Variants in BTD observed in about 807,000 individuals in gnomAD.
BTD encodes biocytinase.
BTD carries 13 observed loss-of-function variants against 17.7 expected under a neutral mutation model. The observed-to-expected ratio is 0.74, with a 90% confidence interval of 0.48 to 1.17. The LOEUF is 1.17. Ranked by LOEUF, BTD falls within the 50% of genes most tolerant of loss-of-function variation. The pLI, the probability that BTD is intolerant of heterozygous loss-of-function variation, is 0.00. For missense variants in BTD, 674 were observed against 650.4 expected, an observed-to-expected ratio of 1.04 and a Z score of -0.39; for synonymous variants, 240 against 245.2, an observed-to-expected ratio of 0.98 and a Z score of 0.20.
At chr3:15,611,834 A>C (rs2075312958) in intron 1 of BTD, among the ~76,000 whole-genome samples, 1 of 151,626 alleles carries the variant, frequency 6.6e-6, no homozygotes, top group African/African-American at 2.4e-5. Flanking sequence ...ACTCGTCTAA[A>C]TTTTCTAGCT....
chr3:15,632,913 T>G (rs1042848232), intron 1 of BTD: 2 of 152,234 alleles, frequency 1.3e-5, no homozygotes, highest in African/African-American at 4.8e-5. Flanking sequence ...CTAATTTGGG[T>G]AAAATGTTTC....
intron 3 of BTD, chr3:15,690,167 A>C (rs369849931): frequency 6.2e-7 from 1 of 1,608,998 alleles, no homozygotes; most frequent in Non-Finnish European, 8.5e-7. Context: ...TGACATCAAG[A>C]TCTAACAAAG....
chr3:15,627,669 C>A (rs2065098872), intron 1 of BTD, among the ~76,000 whole-genome samples: 1 of 152,206 alleles, frequency 6.6e-6, no homozygotes, highest in South Asian at 2.1e-4. Flanking sequence ...TTTCTACTAT[C>A]ATCCAGCGTC....
rs397514348 is a variant in BTD, at chr3:15,635,657, A to T, written c.218A>T (p.Tyr73Phe). ...CTCATGAACCAGAACCTTGACATCT[A>T]TGAACAGCAAGTGATGACTGCAGCC... ...LELMNQNLDIYEQQVMTAAQK... is the reference protein window; with the variant it reads ...LELMNQNLDIFEQQVMTAAQK... Residue 73 changes from tyrosine to phenylalanine, a missense_variant, in exon 2 of 4, where the codon TAT becomes TTT. Tyr to Phe is a conservative substitution (Grantham distance 22). Coordinates refer to ENST00000643237, the MANE Select transcript of BTD (RefSeq NM_001370658.1). The surrounding 1 kb of genome is among the most constrained non-coding windows in gnomAD (Gnocchi z 4.1). 1.9e-6 allele frequency: 3 copies of T among 1,614,084 alleles called. No individual in the cohort carries two copies. The highest frequency in any genetic ancestry group is 2.5e-6 in the Non-Finnish European group (3 of 1,180,052).
chr3:15,607,165 AG>A (rs1455983193), intron 1 of BTD, among the ~76,000 whole-genome samples: 1 of 152,138 alleles, frequency 6.6e-6, no homozygotes, highest in Non-Finnish European at 1.5e-5. Context: ...CATTGGCAAT[AG>A]GTATAAAATT....
intron 1 of BTD, among the ~76,000 whole-genome samples, chr3:15,621,860 A>G (rs1397254712): frequency 2.0e-5 from 3 of 152,200 alleles, no homozygotes; most frequent in Non-Finnish European, 4.4e-5. Context: ...TCAGCCTCCC[A>G]AAGTGCTGGG....
intron 3 of BTD, among the ~76,000 whole-genome samples, chr3:15,701,839 C>T (rs2070677827): frequency 6.6e-6 from 1 of 152,030 alleles, no homozygotes; most frequent in Non-Finnish European, 1.5e-5. Context: ...CACAGCCTTC[C>T]TTGGTGCCGA....
At chr3:15,638,409 A>G (rs375207325) in intron 2 of BTD, among the ~76,000 whole-genome samples, 36 of 152,290 alleles carry the variant, frequency 2.4e-4, no homozygotes, top group African/African-American at 7.9e-4. Context: ...CAGATCAGAG[A>G]CTGCTGGCCA....
chr3:15,631,545 C>T, intron 1 of BTD: 1 of 1,405,224 alleles, frequency 7.1e-7, no homozygotes, highest in Non-Finnish European at 9.7e-7. Flanking sequence ...TGACATATTA[C>T]CAAATTTACA....
At chr3:15,618,647 T>C (rs1214698753) in intron 1 of BTD, among the ~76,000 whole-genome samples, 2 of 152,286 alleles carry the variant, frequency 1.3e-5, no homozygotes, top group East Asian at 3.9e-4. Flanking sequence ...TGCCTCAGCC[T>C]CCCGAGTAGC....
Position 15,652,962 on chromosome 3 carries a change from A to AG in BTD, c.*7474_*7475insG, listed in dbSNP as rs60106076. Among the ~76,000 whole-genome samples, 6,040 of 152,308 alleles carry AG rather than the reference A, an allele frequency of 0.04. 317 individuals carry two copies. Among genetic ancestry groups the AG allele is most frequent in the African/African-American group, 0.12 (5,102 of 41,550 alleles). ...ACAAAAAGAAGGGTCCATGCTGAAC[A>AG]AACTTGTTTGCTTTGAAATCGGAAG... On this transcript the variant is annotated 3_prime_UTR_variant, in exon 4 of 4. Coordinates refer to ENST00000643237, the MANE Select transcript of BTD (RefSeq NM_001370658.1).
chr3:15,603,062 C>G (rs756497142), intron 1 of BTD, among the ~76,000 whole-genome samples: 4 of 152,126 alleles, frequency 2.6e-5, no homozygotes, highest in African/African-American at 4.8e-5. Context: ...GACTTACTAT[C>G]ATTAGAACAG....
At chr3:15,642,958 G>A (rs1272296922) in intron 3 of BTD, among the ~76,000 whole-genome samples, 2 of 150,252 alleles carry the variant, frequency 1.3e-5, no homozygotes, top group African/African-American at 4.9e-5. Context: ...AACCTGGGAG[G>A]CAGGAGTTGC....
intron 1 of BTD, among the ~76,000 whole-genome samples, chr3:15,614,349 C>T (rs919437235): frequency 2.2e-4 from 34 of 152,040 alleles, no homozygotes; most frequent in African/African-American, 8.2e-4. Flanking sequence ...TTCCTGGCCT[C>T]AAGTGATCCT....
intron 3 of BTD, chr3:15,667,520 A>C (rs755437483): frequency 2.6e-5 from 4 of 152,256 alleles, no homozygotes; most frequent in Non-Finnish European, 5.9e-5. Context: ...AAGAAACACT[A>C]CAGAACAGGG....
chr3:15,688,934 A>G (rs2068464792), intron 3 of BTD, among the ~76,000 whole-genome samples: 1 of 152,258 alleles, frequency 6.6e-6, no homozygotes, highest in Non-Finnish European at 1.5e-5. Context: ...TTGTTAAATG[A>G]AAGATTATAC....
At chr3:15,674,960 C>A (rs567053945) in intron 3 of BTD, among the ~76,000 whole-genome samples, 14 of 152,014 alleles carry the variant, frequency 9.2e-5, no homozygotes, top group African/African-American at 3.4e-4. Flanking sequence ...CCTGACTATA[C>A]GGAAATTAAG....
At chr3:15,617,492 GTGTCCATT>G (rs1324432686) in intron 1 of BTD, among the ~76,000 whole-genome samples, 24 of 152,172 alleles carry the variant, frequency 1.6e-4, no homozygotes, top group Non-Finnish European at 7.3e-5. Flanking sequence ...TTACATGTGG[GTGTCCATT>G]TGTTCCAGCA....
intron 4 of BTD, among the ~76,000 whole-genome samples, chr3:15,718,297 C>T (rs781542755): frequency 7.2e-5 from 11 of 152,160 alleles, no homozygotes; most frequent in Non-Finnish European, 1.5e-4. Context: ...AGATGACTTT[C>T]GTGAAATCTG....
Sources: allele counts gnomAD v4.1 joint callset (sites outside exome capture counted in the v4.1 genomes callset), GRCh38; gene constraint gnomAD v4.1.1; non-coding constraint Gnocchi (gnomAD v3.1); transcripts MANE v1.5; gene names NCBI Gene and HGNC (gene_info 2026-07-23, HGNC 2026-07-21).